The following MTDH variants were observed in gnomAD, a reference collection of about 807,000 sequenced individuals.
MTDH encodes the protein metadherin, also known as protein LYRIC.
A neutral mutation model predicts 72.7 loss-of-function variants in MTDH; 34 were observed. The observed-to-expected ratio is 0.47, with a 90% CI of 0.36 to 0.62. The LOEUF (loss-of-function observed/expected upper bound fraction) is 0.62. MTDH is among the 20% of genes least tolerant of loss of function. MTDH has a pLI of 0.00. For missense variants in MTDH, 677 were observed against 699.4 expected (o/e 0.97, Z 0.36); for synonymous variants, 266 against 268.9 (o/e 0.99, Z 0.10).
Position 97,727,508 on chromosome 8 carries a change from T to A in MTDH, c.*2838T>A, listed in dbSNP as rs1489343139. ...AGACTCAATCTCAAAAAAAAAAAAG[T>A]TTCTGGCACCTGAACAGGAACTGGT... On this transcript the variant is annotated 3_prime_UTR_variant, in exon 12 of 12. Coordinates refer to ENST00000336273, the MANE Select transcript of MTDH (RefSeq NM_178812.4). 8 of 94,602 alleles carry A rather than the reference T, an allele frequency of 8.5e-5. No homozygotes were observed. Among genetic ancestry groups the A allele is most frequent in the Admixed American group, 1.1e-4 (1 of 9,392 alleles). The allele number at this position is 94,602 out of a possible 1,614,324, so 5.9% of individuals were successfully genotyped here.
intron 1 of MTDH, among the ~76,000 whole-genome samples, chr8:97,660,764 C>T (rs1186676538): frequency 6.6e-6 from 1 of 152,010 alleles, no homozygotes; most frequent in Non-Finnish European, 1.5e-5. Context: ...AATTGGTGGT[C>T]AAATTGCAAA....
intron 1 of MTDH, 123 bp downstream of exon 1, chr8:97,645,010 G>T: frequency 4.5e-6 from 5 of 1,122,544 alleles, no homozygotes; most frequent in Non-Finnish European, 6.0e-6. Context: ...CCGAGAGGCA[G>T]CACTCCCAAG....
chr8:97,697,017 G>A (rs1445375470), intron 6 of MTDH, among the ~76,000 whole-genome samples: 1 of 149,684 alleles, frequency 6.7e-6, no homozygotes. Context: ...AGGCTGTGGT[G>A]GGAGGATCGC....
chr8:97,671,780 G>T (rs1250616740), intron 2 of MTDH, among the ~76,000 whole-genome samples: 2 of 152,126 alleles, frequency 1.3e-5, no homozygotes, highest in Non-Finnish European at 2.9e-5. Context: ...GGAGGCAGAG[G>T]TTGCAGTGAG....
rs1364606228 is a variant in MTDH, at chr8:97,729,380, G to A, written c.*4710G>A. ...AATACATAAACTTCAATTTCAAACA[G>A]TTGCTTGGTCCCACTAGCCATGAAG... On this transcript the variant is annotated 3_prime_UTR_variant, in exon 12 of 12. Transcript: ENST00000336273. 3.3e-5 allele frequency among the ~76,000 whole-genome samples: 5 copies of A among 152,118 alleles called. No individual in the cohort carries two copies. The East Asian group carries it at 9.6e-4, about 29-fold the overall frequency.
At chr8:97,669,488 A>G (rs769702247) in intron 2 of MTDH, among the ~76,000 whole-genome samples, 43 of 152,214 alleles carry the variant, frequency 2.8e-4, no homozygotes, top group Admixed American at 5.2e-4. Flanking sequence ...CACCCCAAAA[A>G]GAAATCTCGT....
Position 97,644,662 on chromosome 8 carries a change from C to T in MTDH, c.156C>T (p.Ile52=), listed in dbSNP as rs1811488864. Residue 52 remains isoleucine, a synonymous_variant, in exon 1 of 12, where the codon ATC becomes ATT. Coordinates refer to ENST00000336273, the MANE Select transcript of MTDH (RefSeq NM_178812.4). ...LEPKRYPGWV[I]LVGTGALGLL... is the part of the protein sequence containing the mutation. ...CGAAACGGTACCCCGGCTGGGTGAT[C>T]CTGGTGGGCACTGGCGCGCTCGGGC... 2 of 1,608,576 alleles carry T rather than the reference C, an allele frequency of 1.2e-6. No individual in the cohort carries two copies. Among genetic ancestry groups the T allele is most frequent in the Non-Finnish European group, 1.7e-6 (2 of 1,178,668 alleles).
chr8:97,690,447 C>T (rs891493737), intron 5 of MTDH, among the ~76,000 whole-genome samples: 18 of 152,308 alleles, frequency 1.2e-4, no homozygotes, highest in South Asian at 2.1e-4. Context: ...TCTATACACA[C>T]ACCTATGTGT....
chr8:97,722,429 G>T (rs1815166542), intron 10 of MTDH, among the ~76,000 whole-genome samples: 1 of 151,880 alleles, frequency 6.6e-6, no homozygotes, highest in Non-Finnish European at 1.5e-5. Context: ...GTGAAACCTT[G>T]TCTCTACTAA....
At chr8:97,723,777 G>A (rs1321300013) in intron 11 of MTDH, among the ~76,000 whole-genome samples, 1 of 151,378 alleles carries the variant, frequency 6.6e-6, no homozygotes, top group Admixed American at 6.6e-5. Flanking sequence ...TTTTTTGGAC[G>A]TTTGTCTACT....
At chr8:97,672,440 G>A (rs1291215417) in intron 2 of MTDH, among the ~76,000 whole-genome samples, 1 of 152,180 alleles carries the variant, frequency 6.6e-6, no homozygotes, top group Non-Finnish European at 1.5e-5. Flanking sequence ...ATAGTTTCAT[G>A]ATTTCTTGGG....
chr8:97,693,767 G>T (rs546571674), intron 6 of MTDH, among the ~76,000 whole-genome samples: 1 of 152,248 alleles, frequency 6.6e-6, no homozygotes, highest in South Asian at 2.1e-4. Context: ...CCAGGCTGGA[G>T]TGCAGTGGTG....
chr8:97,649,019 G>A (rs1464562802), intron 1 of MTDH, among the ~76,000 whole-genome samples: 1 of 152,054 alleles, frequency 6.6e-6, no homozygotes, highest in African/African-American at 2.4e-5. Flanking sequence ...TTATGATATT[G>A]TATTTTTACT....
At chr8:97,685,260 AAC>A (rs1252771679) in intron 2 of MTDH, among the ~76,000 whole-genome samples, 3 of 152,178 alleles carry the variant, frequency 2.0e-5, no homozygotes, top group Admixed American at 6.5e-5. Flanking sequence ...ACTGTAATAA[AAC>A]AGTGTATTAA....
At chr8:97,692,363 C>T (rs1412491981) in intron 6 of MTDH, among the ~76,000 whole-genome samples, 1 of 151,634 alleles carries the variant, frequency 6.6e-6, no homozygotes, top group East Asian at 1.9e-4. Context: ...CCATATTATT[C>T]AAGAAGTAAT....
At chr8:97,717,773 A>G (rs896586264) in intron 9 of MTDH, among the ~76,000 whole-genome samples, 2 of 152,070 alleles carry the variant, frequency 1.3e-5, no homozygotes, top group African/African-American at 4.8e-5. Flanking sequence ...TTTTTGAGAC[A>G]AGGTCTCACT....
intron 7 of MTDH, among the ~76,000 whole-genome samples, chr8:97,701,088 C>T (rs1814102948): frequency 2.0e-5 from 3 of 152,254 alleles, no homozygotes; most frequent in African/African-American, 4.8e-5. Flanking sequence ...ATGGTTAGGG[C>T]TTTGTCACTT....
At chr8:97,672,581 C>G (rs1489659565) in intron 2 of MTDH, among the ~76,000 whole-genome samples, 1 of 152,174 alleles carries the variant, frequency 6.6e-6, no homozygotes, top group African/African-American at 2.4e-5. Flanking sequence ...GTCTGAACTG[C>G]AAATGGCCAA....
chr8:97,663,893 A>T lies in MTDH; in HGVS notation c.483+2720A>T, dbSNP rs1344733214. Among the ~76,000 whole-genome samples the T allele has an allele frequency of 2.6e-5, 4 of 152,160 alleles. No homozygotes were observed. The East Asian group carries it at 7.7e-4, about 29-fold the overall frequency. On this transcript the variant is annotated intron_variant, in intron 2 of 11. Transcript: ENST00000336273. ...ATTTGAGGCTTATGTTACCTGAGCT[A>T]TTGAAAGTATAGTCAGTTCTAACCC...
Sources: allele counts gnomAD v4.1 joint callset (sites outside exome capture counted in the v4.1 genomes callset), GRCh38; gene constraint gnomAD v4.1.1; transcripts MANE v1.5; gene names NCBI Gene and HGNC (gene_info 2026-07-23, HGNC 2026-07-21).